Variants in ATG10 observed in about 807,000 individuals in gnomAD.
ATG10 encodes ubiquitin-like-conjugating enzyme ATG10.
A neutral mutation model predicts 32.1 loss-of-function variants in ATG10; 30 were observed. That is an observed-to-expected ratio of 0.94 (90% confidence interval 0.70 to 1.27). ATG10 has a LOEUF of 1.27. ATG10 is among the 50% of genes most tolerant of loss of function. The pLI, the probability that ATG10 is intolerant of heterozygous loss-of-function variation, is 0.00. For synonymous variants in ATG10, 87 were observed against 91.5 expected (o/e 0.95, Z 0.28); for missense variants, 233 against 262.3 (o/e 0.89, Z 0.77).
At chr5:82,147,413 A>G (rs1275276379) in intron 3 of ATG10, 1 of 152,390 alleles carries the variant, frequency 6.6e-6, no homozygotes, top group African/African-American at 2.4e-5. Flanking sequence ...CAAGTAATCC[A>G]TCCGCCTCAG....
intron 3 of ATG10, among the ~76,000 whole-genome samples, chr5:82,089,396 G>A (rs912205311): frequency 6.6e-6 from 1 of 151,710 alleles, no homozygotes; most frequent in African/African-American, 2.4e-5. Flanking sequence ...ATACAGCAAT[G>A]GGACAGAATA....
intron 3 of ATG10, among the ~76,000 whole-genome samples, chr5:82,122,085 C>T (rs1229928366): frequency 6.6e-6 from 1 of 151,678 alleles, no homozygotes; most frequent in Non-Finnish European, 1.5e-5. Flanking sequence ...CTTTGTACAC[C>T]TGGTAGAATT....
At chr5:82,094,610 A>C (rs1764993673) in intron 3 of ATG10, among the ~76,000 whole-genome samples, 1 of 152,156 alleles carries the variant, frequency 6.6e-6, no homozygotes, top group African/African-American at 2.4e-5. Context: ...AGTATTTTTT[A>C]AATAAAAATA....
chr5:82,218,442 T>C (rs1297094136), intron 5 of ATG10, among the ~76,000 whole-genome samples: 1 of 152,254 alleles, frequency 6.6e-6, no homozygotes, highest in African/African-American at 2.4e-5. Context: ...TATTATAGTT[T>C]GCTTTTATTA....
At chr5:82,155,577 C>T (rs1485515785) in intron 3 of ATG10, among the ~76,000 whole-genome samples, 2 of 152,138 alleles carry the variant, frequency 1.3e-5, no homozygotes, top group African/African-American at 4.8e-5. Context: ...ATATTTACTA[C>T]TTGGCCCTTT....
rs533119861 is a variant in ATG10 at position 82,179,542 on chromosome 5, T to C, written c.453+955T>C. Among the ~76,000 whole-genome samples, 12 of 152,170 alleles carry C rather than the reference T, an allele frequency of 7.9e-5. No individual in the cohort carries two copies. In the South Asian group the frequency reaches 2.5e-3, roughly 32 times the overall value. On this transcript the variant is annotated intron_variant, in intron 5 of 7. Coordinates refer to ENST00000282185, the MANE Select transcript of ATG10 (RefSeq NM_031482.5). ...GAAAATAGATCTGCAAAAGTAGATA[T>C]AAAAAGTAGATTTGCAAAAGTAAAG...
intron 3 of ATG10, among the ~76,000 whole-genome samples, chr5:82,139,360 C>T (rs866835493): frequency 8.1e-5 from 12 of 148,842 alleles, no homozygotes; most frequent in Non-Finnish European, 1.5e-4. Flanking sequence ...AAGTGAGGAG[C>T]GTCTCCGCCC....
At chr5:82,078,476 G>A (rs1764352212) in intron 3 of ATG10, 1 of 152,296 alleles carries the variant, frequency 6.6e-6, no homozygotes, top group Admixed American at 6.5e-5. Flanking sequence ...AGGAGGCTGA[G>A]GCAGGAGGAT....
intron 1 of ATG10, among the ~76,000 whole-genome samples, chr5:81,983,193 C>A (rs180972904): frequency 0.068 from 9,995 of 146,260 alleles, 631 homozygotes; most frequent in African/African-American, 0.15. Flanking sequence ...CTGATCCCCC[C>A]ACCTCCCTCC....
chr5:82,186,159 G>A lies in ATG10; in HGVS notation c.453+7572G>A, dbSNP rs1000150440. The stretch of plus-strand genomic sequence containing the variant: ...AGAATCACTGCCAGCTTCCTTTGCA[G>A]GCTTCCTTCATGGTGGAGCTTTATT... On this transcript the variant is annotated intron_variant, in intron 5 of 7. Coordinates refer to ENST00000282185, the MANE Select transcript of ATG10 (RefSeq NM_031482.5). Among the ~76,000 whole-genome samples the A allele has an allele frequency of 3.3e-5, 5 of 152,240 alleles. No individual in the cohort carries two copies. In the East Asian group the frequency reaches 9.6e-4, roughly 29 times the overall value.
chr5:82,041,560 A>G (rs558047064), intron 2 of ATG10, among the ~76,000 whole-genome samples: 81 of 152,310 alleles, frequency 5.3e-4, no homozygotes, highest in Non-Finnish European at 1.1e-3. Flanking sequence ...AAGAAAATAG[A>G]AAAAGGCTCC....
chr5:82,073,320 T>C (rs986074243), intron 3 of ATG10: 2 of 152,184 alleles, frequency 1.3e-5, no homozygotes, highest in African/African-American at 4.8e-5. Flanking sequence ...ATTTCAGAAC[T>C]TACTAATGGC....
intron 4 of ATG10, among the ~76,000 whole-genome samples, chr5:82,168,157 T>C (rs1382377254): frequency 6.6e-6 from 1 of 152,138 alleles, no homozygotes; most frequent in Admixed American, 6.5e-5. Context: ...ATCCATTCCC[T>C]ACCATTCTTA....
In ATG10 at chr5:82,252,639, G is replaced by T. The variant is rs1203130917; in HGVS notation, c.531G>T (p.Lys177Asn). 6.3e-7 allele frequency: 1 copy of T among 1,589,430 alleles called. No individual in the cohort carries two copies. ...KTNEFMTPVL[K>N]NSQKINKNVN... ...ATGAATTCATGACTCCTGTATTAAAGAATTCTCAGAAAATCAATAAGTAAG... is the reference window on the plus strand; with the variant it reads ...ATGAATTCATGACTCCTGTATTAAATAATTCTCAGAAAATCAATAAGTAAG... The change falls in exon 6 of 8, where the codon AAG becomes AAT. Residue 177 changes from lysine to asparagine, a missense_variant. Transcript: ENST00000282185.
At chr5:82,156,982 C>T (rs1054825589) in intron 3 of ATG10, among the ~76,000 whole-genome samples, 1 of 152,126 alleles carries the variant, frequency 6.6e-6, no homozygotes. Flanking sequence ...GTTTCCTATG[C>T]AGTCTTAAAA....
intron 3 of ATG10, among the ~76,000 whole-genome samples, chr5:82,066,806 AT>A (rs200400737): frequency 0.017 from 2,510 of 152,098 alleles, 74 homozygotes; most frequent in African/African-American, 0.057. Flanking sequence ...ATGTCAGAAT[AT>A]TTTTTTTATA....
At chr5:82,067,550 A>T (rs1235776660) in intron 3 of ATG10, among the ~76,000 whole-genome samples, 1 of 152,144 alleles carries the variant, frequency 6.6e-6, no homozygotes, top group Admixed American at 6.6e-5. Context: ...ATTCTGCTGA[A>T]TCTTCTTTTT....
chr5:82,076,949 A>G lies in ATG10; in HGVS notation c.216+18347A>G, dbSNP rs1764294696. ...CAATCCATTGGTTTAGGCTTTTGGT[A>G]GCCATTGTAATTTGGATTGCCTTTC... On this transcript the variant is annotated intron_variant, in intron 3 of 7. Transcript: ENST00000282185. Among the ~76,000 whole-genome samples the G allele has an allele frequency of 4.6e-5, 7 of 152,200 alleles. No individual in the cohort carries two copies. The South Asian group carries it at 1.4e-3, about 31-fold the overall frequency.
chr5:82,185,984 G>A (rs1744430653), intron 5 of ATG10, among the ~76,000 whole-genome samples: 1 of 152,182 alleles, frequency 6.6e-6, no homozygotes, highest in African/African-American at 2.4e-5. Context: ...ACTTCTCAGT[G>A]TTGGTATAGG....
Sources: gnomAD v4.1 joint callset for allele counts (sites outside exome capture counted in the v4.1 genomes callset) on GRCh38, gnomAD v4.1.1 for gene constraint, MANE v1.5 for transcripts, NCBI Gene and HGNC (gene_info 2026-07-23, HGNC 2026-07-21) for gene names.